Variants in RAB6A observed in about 807,000 individuals in gnomAD.
RAB6A encodes ras-related protein Rab-6A.
In RAB6A, 8 loss-of-function variants were observed where a neutral mutation model predicts 32.3. The observed-to-expected ratio is 0.25, with a 90% confidence interval of 0.15 to 0.45. The LOEUF (loss-of-function observed/expected upper bound fraction) is 0.45, where lower values mean the gene tolerates loss of function less well. RAB6A is among the 20% of genes least tolerant of loss of function. RAB6A has a pLI of 1.00. For missense variants in RAB6A, 104 were observed against 249.4 expected, an observed-to-expected ratio of 0.42 and a Z score of 3.93; for synonymous variants, 73 against 82.1, an observed-to-expected ratio of 0.89 and a Z score of 0.60.
intron 7 of RAB6A, among the ~76,000 whole-genome samples, chr11:73,678,655 T>G (rs1354868121): frequency 2.6e-5 from 4 of 151,440 alleles, no homozygotes; most frequent in African/African-American, 9.7e-5. Flanking sequence ...ATACTTCAAC[T>G]CAATAGAACA....
At chr11:73,690,707 A>C (rs528344137) in intron 6 of RAB6A, among the ~76,000 whole-genome samples, 115 of 151,516 alleles carry the variant, frequency 7.6e-4, no homozygotes, top group Non-Finnish European at 1.4e-3. Context: ...TAAAAAAAAA[A>C]AAAAAAAAAA....
At chr11:73,750,013 C>T (rs1457990877) in intron 1 of RAB6A, among the ~76,000 whole-genome samples, 2 of 152,124 alleles carry the variant, frequency 1.3e-5, no homozygotes, top group Non-Finnish European at 2.9e-5. Flanking sequence ...ACATTTTTAA[C>T]ACAAATTTTA....
intron 7 of RAB6A, among the ~76,000 whole-genome samples, chr11:73,678,684 G>A (rs1215925897): frequency 2.7e-5 from 4 of 150,476 alleles, no homozygotes; most frequent in African/African-American, 9.8e-5. Flanking sequence ...TGTTGTTGTT[G>A]TTTTGTTTTT....
intron 6 of RAB6A, chr11:73,704,198 A>G (rs755844249): frequency 1.6e-5 from 7 of 440,222 alleles, no homozygotes; most frequent in East Asian, 1.4e-4. Context: ...CCTGGGCAAC[A>G]TGGCAAGAAC....
chr11:73,709,832 C>T (rs12788006), intron 5 of RAB6A, among the ~76,000 whole-genome samples: 4 of 52,294 alleles, frequency 7.6e-5, no homozygotes, highest in African/African-American at 2.3e-4. Context: ...CATATATATA[C>T]ATATATACAC....
At chr11:73,699,997 T>C (rs1945715301) in intron 6 of RAB6A, among the ~76,000 whole-genome samples, 1 of 152,248 alleles carries the variant, frequency 6.6e-6, no homozygotes, top group Admixed American at 6.5e-5. Context: ...CTGTTAGAGC[T>C]GATGCCCATC....
chr11:73,760,522 G>A (rs894555260), intron 1 of RAB6A, 44 bp downstream of exon 1: 9 of 1,562,216 alleles, frequency 5.8e-6, no homozygotes, highest in Admixed American at 3.8e-5. Context: ...GCGGTGCGGG[G>A]ACGCTGCGGC....
chr11:73,704,782 G>A (rs976314262), intron 6 of RAB6A, among the ~76,000 whole-genome samples: 4 of 151,880 alleles, frequency 2.6e-5, no homozygotes, highest in Middle Eastern at 6.8e-3. Flanking sequence ...AGATCACGAG[G>A]TCAGGAGATC....
intron 1 of RAB6A, among the ~76,000 whole-genome samples, chr11:73,731,763 T>TA (rs1946317214): frequency 7.0e-6 from 1 of 143,034 alleles, no homozygotes; most frequent in Non-Finnish European, 1.5e-5. Context: ...CTTTTTTTTT[T>TA]AGACAGTCTC....
intron 1 of RAB6A, among the ~76,000 whole-genome samples, chr11:73,742,681 C>T (rs1338316454): frequency 1.3e-5 from 2 of 152,034 alleles, no homozygotes; most frequent in African/African-American, 2.4e-5. Context: ...CGTGGTAGCA[C>T]ATGCCTATAA....
intron 6 of RAB6A, among the ~76,000 whole-genome samples, chr11:73,695,438 G>A (rs11235862): frequency 0.48 from 73,145 of 151,346 alleles, 19,017 homozygotes; most frequent in East Asian, 0.6. Flanking sequence ...GGAATACAGT[G>A]GCGCAATCTC....
At chr11:73,701,608 G>A (rs1251079640) in intron 6 of RAB6A, among the ~76,000 whole-genome samples, 1 of 152,168 alleles carries the variant, frequency 6.6e-6, no homozygotes, top group Non-Finnish European at 1.5e-5. Context: ...TGTACATACA[G>A]CAATGATTAA....
At chr11:73,697,519 C>T (rs1945673339) in intron 6 of RAB6A, among the ~76,000 whole-genome samples, 2 of 151,866 alleles carry the variant, frequency 1.3e-5, no homozygotes, top group South Asian at 2.1e-4. Flanking sequence ...GGCTGATTTT[C>T]GTATTTTTAG....
intron 1 of RAB6A, among the ~76,000 whole-genome samples, chr11:73,733,803 T>G (rs1946353462): frequency 6.6e-6 from 1 of 152,018 alleles, no homozygotes; most frequent in African/African-American, 2.4e-5. Context: ...TGTAAGGGGT[T>G]TCTAACTGAG....
intron 2 of RAB6A, among the ~76,000 whole-genome samples, chr11:73,727,303 G>C (rs1414388680): frequency 6.6e-6 from 1 of 151,626 alleles, no homozygotes; most frequent in Non-Finnish European, 1.5e-5. Context: ...GCGTGTACCT[G>C]TAGTCCCAGC....
At chr11:73,707,606 T>G (rs934817093) in intron 5 of RAB6A, 93 bp from the exon 6 acceptor site, 2 of 887,444 alleles carry the variant, frequency 2.3e-6, no homozygotes, top group Non-Finnish European at 3.6e-6. Context: ...TTCCTTGATA[T>G]AAGGACTGGT....
intron 5 of RAB6A, among the ~76,000 whole-genome samples, chr11:73,713,043 A>G (rs1945989507): frequency 6.6e-6 from 1 of 152,162 alleles, no homozygotes; most frequent in African/African-American, 2.4e-5. Flanking sequence ...TAATATAAAT[A>G]GGGTCATCTT....
intron 6 of RAB6A, among the ~76,000 whole-genome samples, chr11:73,689,096 T>C (rs886979858): frequency 6.6e-6 from 1 of 151,252 alleles, no homozygotes; most frequent in African/African-American, 2.4e-5. Context: ...CACTCCAGCC[T>C]GGAAGACAGA....
At chr11:73,734,052 CAAG>C (rs895757116) in intron 1 of RAB6A, among the ~76,000 whole-genome samples, 33 of 152,152 alleles carry the variant, frequency 2.2e-4, no homozygotes, top group African/African-American at 7.5e-4. Flanking sequence ...TATACTGTGA[CAAG>C]AAGGGCACTT....
Sources: gnomAD v4.1 joint callset for allele counts (sites outside exome capture counted in the v4.1 genomes callset) on GRCh38, gnomAD v4.1.1 for gene constraint, MANE v1.5 for transcripts, NCBI Gene and HGNC (gene_info 2026-07-23, HGNC 2026-07-21) for gene names.